Variants in TRIM71 observed in about 807,000 individuals in gnomAD.
TRIM71 encodes the protein E3 ubiquitin-protein ligase TRIM71.
In TRIM71, 9 loss-of-function variants were observed where a neutral mutation model predicts 61.2. That is an observed-to-expected ratio of 0.15 (90% CI 0.09 to 0.26). The LOEUF (loss-of-function observed/expected upper bound fraction) is 0.26. Ranked by LOEUF, TRIM71 falls within the 10% of genes least tolerant of loss-of-function variation. TRIM71 has a pLI of 1.00. For synonymous variants in TRIM71, 645 were observed against 553.2 expected (o/e 1.17, Z -2.33); for missense variants, 998 against 1,238.7 (o/e 0.81, Z 2.92).
intron 1 of TRIM71, among the ~76,000 whole-genome samples, chr3:32,854,409 A>C (rs1381435988): frequency 6.6e-6 from 1 of 152,188 alleles, no homozygotes; most frequent in Admixed American, 6.5e-5. Flanking sequence ...GACATTGCTT[A>C]GGCTGTTCAG....
intron 1 of TRIM71, among the ~76,000 whole-genome samples, chr3:32,855,093 A>G (rs190545244): frequency 2.0e-5 from 3 of 152,346 alleles, no homozygotes; most frequent in East Asian, 3.9e-4. Context: ...ACATTTTATC[A>G]TAAGTATATA....
In TRIM71 at chr3:32,818,942, TG is replaced by T; in HGVS notation, c.852+15del. The T allele has an allele frequency of 6.2e-7, 1 of 1,609,978 alleles. No homozygotes were observed. The stretch of plus-strand genomic sequence containing the variant: ...GCACCACGACGACGAGGTGAGTGCG[TG>T]GGGGCGTGTGTTTGTGTCCATCGGA... On this transcript the variant is annotated intron_variant, in intron 1 of 3. Coordinates refer to ENST00000383763, the MANE Select transcript of TRIM71 (RefSeq NM_001039111.3).
intron 1 of TRIM71, among the ~76,000 whole-genome samples, chr3:32,819,418 G>A (rs1696103352): frequency 6.6e-6 from 1 of 152,210 alleles, no homozygotes; most frequent in African/African-American, 2.4e-5. Context: ...GGGTGAGTGC[G>A]TGGAGTTTGT....
intron 1 of TRIM71, among the ~76,000 whole-genome samples, chr3:32,866,371 G>A (rs1559546524): frequency 6.6e-6 from 1 of 151,984 alleles, no homozygotes; most frequent in Non-Finnish European, 1.5e-5. Flanking sequence ...TCAGCCTCCC[G>A]AGTAGCTAGG....
chr3:32,859,261 G>A (rs1696639335), intron 1 of TRIM71, among the ~76,000 whole-genome samples: 1 of 152,080 alleles, frequency 6.6e-6, no homozygotes, highest in South Asian at 2.1e-4. Flanking sequence ...CGATTTTAGG[G>A]TTTTCTTTTT....
intron 1 of TRIM71, 44 bp downstream of exon 1, chr3:32,818,976 G>GT: frequency 2.5e-6 from 4 of 1,595,022 alleles, no homozygotes; most frequent in Non-Finnish European, 3.4e-6. Context: ...GGATAACTGC[G>GT]TGTGTGCTCA....
chr3:32,891,739 C>G lies in TRIM71; in HGVS notation c.2535C>G (p.Ser845=). 1.2e-6 allele frequency: 2 copies of G among 1,614,164 alleles called. No homozygotes were observed. The highest frequency in any genetic ancestry group is 1.7e-6 in the Non-Finnish European group (2 of 1,180,038). Residue 845 remains serine (S), a synonymous_variant, in exon 4 of 4, where the codon TCC becomes TCG. Coordinates refer to ENST00000383763, the MANE Select transcript of TRIM71 (RefSeq NM_001039111.3). The surrounding 1 kb of genome is among the most constrained non-coding windows in gnomAD (Gnocchi z 8.2). ...GSGFGQMDRP[S]GIAITPDGMI... is the part of the protein sequence containing the mutation. ...GCTTTGGGCAGATGGACCGCCCTTC[C>G]GGCATCGCCATCACCCCCGACGGAA...
chr3:32,838,522 CTTTTTTTT>C (rs11361989), intron 1 of TRIM71, among the ~76,000 whole-genome samples: 5 of 136,726 alleles, frequency 3.7e-5, no homozygotes, highest in East Asian at 2.1e-4. Flanking sequence ...TGCACCTGGC[CTTTTTTTT>C]TTTTTTTTTT....
chr3:32,839,942 A>T (rs753118132), intron 1 of TRIM71, among the ~76,000 whole-genome samples: 13 of 152,208 alleles, frequency 8.5e-5, no homozygotes, highest in Non-Finnish European at 1.8e-4. Context: ...TCTACTGGCG[A>T]TTAGAACTGT....
In TRIM71 at chr3:32,818,392, G is replaced by C; in HGVS notation, c.312G>C (p.Ala104=). ...AGAAAGTAGTGCTAGCCGAGGCGGCGGGTATGGACGCGCTGCCTTCGTCCG... is the reference window on the plus strand; with the variant it reads ...AGAAAGTAGTGCTAGCCGAGGCGGCCGGTATGGACGCGCTGCCTTCGTCCG... The part of the protein sequence containing the change: ...CDQKVVLAEA[A]GMDALPSSAF... The change falls in exon 1 of 4, where the codon GCG becomes GCC. Residue 104 remains alanine (A), a synonymous_variant. Transcript: ENST00000383763. 1.4e-6 allele frequency: 2 copies of C among 1,478,706 alleles called. No homozygotes were observed. 91.6% of individuals were successfully genotyped at this position (1,478,706 alleles called of 1,614,324 possible).
chr3:32,880,304 C>T (rs1466535379), intron 2 of TRIM71, among the ~76,000 whole-genome samples: 1 of 152,174 alleles, frequency 6.6e-6, no homozygotes, highest in Non-Finnish European at 1.5e-5. Context: ...GCTGGGATTA[C>T]AGGCTTGAGC....
chr3:32,819,855 G>A (rs1300520176), intron 1 of TRIM71, among the ~76,000 whole-genome samples: 3 of 152,242 alleles, frequency 2.0e-5, no homozygotes, highest in Non-Finnish European at 2.9e-5. Flanking sequence ...CAAGGCAGCC[G>A]TACGCTGCTG....
chr3:32,845,588 A>G (rs541046387), intron 1 of TRIM71, among the ~76,000 whole-genome samples: 1 of 152,278 alleles, frequency 6.6e-6, no homozygotes, highest in African/African-American at 2.4e-5. Context: ...GGTAAATGAG[A>G]TCATATGATA....
chr3:32,834,692 AT>A (rs1696311961), intron 1 of TRIM71, among the ~76,000 whole-genome samples: 1 of 152,162 alleles, frequency 6.6e-6, no homozygotes, highest in Non-Finnish European at 1.5e-5. Context: ...AAATACAAAA[AT>A]TAGCTAGGTG....
intron 2 of TRIM71, among the ~76,000 whole-genome samples, chr3:32,874,323 A>C (rs1696830299): frequency 8.9e-6 from 1 of 112,092 alleles, no homozygotes; most frequent in Non-Finnish European, 1.7e-5. Context: ...CTTAATGCTT[A>C]TTACTACTAC....
chr3:32,826,376 T>C (rs1167894134), intron 1 of TRIM71, among the ~76,000 whole-genome samples: 2 of 152,104 alleles, frequency 1.3e-5, no homozygotes, highest in Non-Finnish European at 2.9e-5. Context: ...AGGCGGAGGT[T>C]GCAGTGGGCC....
At chr3:32,885,497 G>A (rs530927543) in intron 2 of TRIM71, among the ~76,000 whole-genome samples, 3 of 152,244 alleles carry the variant, frequency 2.0e-5, no homozygotes, top group East Asian at 1.9e-4. Flanking sequence ...CTACCCTGTC[G>A]CACACCCTCA....
intron 1 of TRIM71, among the ~76,000 whole-genome samples, chr3:32,842,407 A>T (rs1425436297): frequency 6.6e-6 from 1 of 152,166 alleles, no homozygotes; most frequent in East Asian, 1.9e-4. Flanking sequence ...CCTGAAAAAA[A>T]TTTCAGTAAA....
At position 32,890,754 on chromosome 3, in the gene TRIM71, G is replaced by A. The variant is rs1344660538; in HGVS notation, c.1550G>A (p.Arg517His). Residue 517 changes from arginine (R) to histidine (H), a missense_variant, in exon 4 of 4, where the codon CGC (arginine) becomes CAC (histidine). This residue lies in a region of TRIM71 where 291 missense variants were observed against 431.2 expected (regional missense o/e 0.67). Transcript: ENST00000383763. The surrounding 1 kb of genome is among the most constrained non-coding windows in gnomAD (Gnocchi z 6.2). ...VIGYDHDGEPRLSGGDLMSAV... is the reference protein window; with the variant it reads ...VIGYDHDGEPHLSGGDLMSAV... ...GGTTATGACCACGATGGTGAGCCCC[G>A]CCTCTCAGGAGGCGACCTGATGTCG... 5.0e-6 allele frequency: 8 copies of A among 1,613,948 alleles called. No homozygotes were observed. Among genetic ancestry groups the A allele is most frequent in the East Asian group, 4.5e-5 (2 of 44,894 alleles).
Sources: gnomAD v4.1 joint callset for allele counts (sites outside exome capture counted in the v4.1 genomes callset) on GRCh38, gnomAD v4.1.1 for gene constraint, gnomAD v4.1.1 regional missense constraint, Gnocchi (gnomAD v3.1) non-coding constraint, MANE v1.5 for transcripts, NCBI Gene and HGNC (gene_info 2026-07-23, HGNC 2026-07-21) for gene names.